Variants in WWTR1 observed in about 807,000 individuals in gnomAD.
WWTR1 encodes WW domain-containing transcription regulator protein 1.
In WWTR1, 13 loss-of-function variants were observed where a neutral mutation model predicts 40.1. The observed-to-expected ratio is 0.32, with a 90% confidence interval of 0.21 to 0.52. The LOEUF (loss-of-function observed/expected upper bound fraction) is 0.52, where lower values mean the gene tolerates loss of function less well. Ranked by LOEUF, WWTR1 falls within the 20% of genes least tolerant of loss-of-function variation. The pLI, the probability that WWTR1 is intolerant of heterozygous loss-of-function variation, is 0.97. For missense variants in WWTR1, 436 were observed against 523.1 expected, an observed-to-expected ratio of 0.83 and a Z score of 1.63; for synonymous variants, 230 against 210.1, an observed-to-expected ratio of 1.09 and a Z score of -0.82.
chr3:149,526,411 TA>T lies in WWTR1; in HGVS notation c.906-287del, dbSNP rs80322377. 5.2e-3 allele frequency among the ~76,000 whole-genome samples: 745 copies of T among 143,142 alleles called. 4 individuals carry two copies. The highest frequency in any genetic ancestry group is 6.3e-3 in the Non-Finnish European group (410 of 65,182). The allele number at this position is 143,142 out of a possible 152,430, so 93.9% of individuals were successfully genotyped here. A position where few individuals can be genotyped will look rare whatever the true frequency, so the allele number is the denominator to read the frequency against. On this transcript the variant is annotated intron_variant, in intron 5 of 6. Transcript: ENST00000360632. The stretch of plus-strand genomic sequence containing the variant: ...GTATGACACCATTTATGTAAAACTT[TA>T]AAAAAAAAAAACAAAAACTATGTTG...
At chr3:149,605,384 T>C (rs780461098) in intron 2 of WWTR1, among the ~76,000 whole-genome samples, 4 of 151,884 alleles carry the variant, frequency 2.6e-5, no homozygotes, top group East Asian at 1.9e-4. Flanking sequence ...CTAGAAAACA[T>C]AGACAAGGGA....
chr3:149,523,849 C>T (rs1444334988), intron 6 of WWTR1, among the ~76,000 whole-genome samples: 1 of 152,178 alleles, frequency 6.6e-6, no homozygotes, highest in African/African-American at 2.4e-5. Context: ...GATGTATGTC[C>T]AGTTCCTACA....
At chr3:149,537,483 G>T (rs917823335) in intron 4 of WWTR1, among the ~76,000 whole-genome samples, 8 of 152,166 alleles carry the variant, frequency 5.3e-5, no homozygotes, top group South Asian at 4.1e-4. Flanking sequence ...TAAGAGTATA[G>T]GTGATTATAA....
chr3:149,679,634 T>C (rs1393221415), intron 1 of WWTR1, among the ~76,000 whole-genome samples: 1 of 144,816 alleles, frequency 6.9e-6, no homozygotes, highest in Non-Finnish European at 1.5e-5. Context: ...AGAGAACAGA[T>C]GGAATGGTGG....
chr3:149,518,115 A>AT lies in WWTR1; in HGVS notation c.*2689dup, dbSNP rs1734874286. The AT allele has an allele frequency of 6.6e-6, 1 of 152,148 alleles. No individual in the cohort carries two copies. Among genetic ancestry groups the AT allele is most frequent in the Non-Finnish European group, 1.5e-5 (1 of 68,010 alleles). 9.4% of individuals were successfully genotyped at this position (152,148 alleles called of 1,614,324 possible). ...TTTAGTGTTCTTTAACAAAGGCCAT[A>AT]TTTTGTGGCCTTAAAAACAAAAAAT... is the stretch of plus-strand genomic sequence containing the variant. On this transcript the variant is annotated 3_prime_UTR_variant, in exon 7 of 7. Coordinates refer to ENST00000360632, the MANE Select transcript of WWTR1 (RefSeq NM_015472.6).
rs11922934 is a variant in WWTR1 at position 149,630,791 on chromosome 3, C to T, written c.431+26085G>A. 5.1e-3 allele frequency among the ~76,000 whole-genome samples: 770 copies of T among 152,238 alleles called. 4 individuals carry two copies. The highest frequency in any genetic ancestry group is 0.018 in the African/African-American group (748 of 41,564). On this transcript the variant is annotated intron_variant, in intron 2 of 6. Transcript: ENST00000360632. ...TGTAGACCAAGAGTACCTGCAGTCACGCCAGGAATGACGTCCATTCTTACC... is the reference window on the plus strand; with the variant it reads ...TGTAGACCAAGAGTACCTGCAGTCATGCCAGGAATGACGTCCATTCTTACC...
chr3:149,695,217 A>G lies in WWTR1; in HGVS notation c.-108+7907T>C, dbSNP rs1714945812. The stretch of plus-strand genomic sequence containing the variant: ...GGTTAATACATACAAAAATATAGGT[A>G]GATAGAAAGAATAAGATCTAGTATT... On this transcript the variant is annotated intron_variant, in intron 1 of 7. Transcript: ENST00000465804. Among the ~76,000 whole-genome samples, 3 of 152,212 alleles carry G rather than the reference A, an allele frequency of 2.0e-5. No individual in the cohort carries two copies. The South Asian group carries it at 6.2e-4, about 32-fold the overall frequency.
At chr3:149,692,853 G>A (rs371841082) in intron 1 of WWTR1, among the ~76,000 whole-genome samples, 4 of 151,846 alleles carry the variant, frequency 2.6e-5, no homozygotes, top group Non-Finnish European at 4.4e-5. Context: ...CAGGCTGGTC[G>A]TGAACTCCTG....
intron 2 of WWTR1, among the ~76,000 whole-genome samples, chr3:149,653,938 C>T (rs1052493594): frequency 2.6e-4 from 40 of 152,052 alleles, no homozygotes; most frequent in Non-Finnish European, 4.0e-4. Context: ...TGATTTCCAA[C>T]TTATAAAGCT....
chr3:149,578,608 A>G (rs968188218), intron 2 of WWTR1, among the ~76,000 whole-genome samples: 3 of 152,350 alleles, frequency 2.0e-5, no homozygotes, highest in South Asian at 4.1e-4. Context: ...TTATCTGTAA[A>G]AATAGAATAA....
intron 4 of WWTR1, among the ~76,000 whole-genome samples, chr3:149,530,364 A>AG: frequency 6.6e-6 from 1 of 151,714 alleles, no homozygotes; most frequent in Admixed American, 6.6e-5. Flanking sequence ...AGAAAAAAAA[A>AG]ATACAAGTTG....
At chr3:149,707,118 C>T (rs1038618908), upstream of WWTR1, among the ~76,000 whole-genome samples, 13 of 152,072 alleles carry the variant, frequency 8.5e-5, no homozygotes, top group African/African-American at 1.7e-4. Flanking sequence ...TTTAAAATTG[C>T]GGGAACTCTG....
At position 149,642,013 on chromosome 3, in the gene WWTR1, A is replaced by T. The variant is rs559317624; in HGVS notation, c.431+14863T>A. Among the ~76,000 whole-genome samples the T allele has an allele frequency of 5.3e-5, 8 of 152,368 alleles. No homozygotes were observed. The East Asian group carries it at 1.2e-3, about 22-fold the overall frequency. The stretch of plus-strand genomic sequence containing the variant: ...AGCCTAGGTAAAAAAGAGATGTTTT[A>T]AACATACCCTTGGCTACAGCTCAAC... On this transcript the variant is annotated intron_variant, in intron 2 of 6. Transcript: ENST00000360632.
At chr3:149,664,166 G>C (rs1417383179) in intron 2 of WWTR1, among the ~76,000 whole-genome samples, 1 of 152,232 alleles carries the variant, frequency 6.6e-6, no homozygotes, top group Non-Finnish European at 1.5e-5. Flanking sequence ...AAGCCCTTGG[G>C]GCAGAACCTG....
intron 2 of WWTR1, among the ~76,000 whole-genome samples, chr3:149,663,218 G>C (rs2108177319): frequency 6.6e-6 from 1 of 151,934 alleles, no homozygotes; most frequent in South Asian, 2.1e-4. Flanking sequence ...TTTTAGTAGA[G>C]ATGGGGTTTC....
chr3:149,523,558 T>G (rs1383422361), intron 6 of WWTR1, among the ~76,000 whole-genome samples: 1 of 152,218 alleles, frequency 6.6e-6, no homozygotes, highest in African/African-American at 2.4e-5. Flanking sequence ...ACAAGGCAAT[T>G]CTTAAAAGGG....
At chr3:149,652,600 G>T (rs1295925752) in intron 2 of WWTR1, among the ~76,000 whole-genome samples, 1 of 99,194 alleles carries the variant, frequency 1.0e-5, no homozygotes, top group Non-Finnish European at 1.9e-5. Context: ...TAGCCTGGGT[G>T]ACAGAGACAG....
intron 5 of WWTR1, among the ~76,000 whole-genome samples, chr3:149,715,120 G>A (rs1382857602): frequency 6.6e-6 from 1 of 152,194 alleles, no homozygotes; most frequent in African/African-American, 2.4e-5. Context: ...ACTTGTCTGT[G>A]TGGAAGAACA....
intron 6 of WWTR1, among the ~76,000 whole-genome samples, chr3:149,522,258 A>G (rs1249107574): frequency 1.3e-5 from 2 of 152,058 alleles, no homozygotes; most frequent in African/African-American, 4.8e-5. Flanking sequence ...TCACTATTTT[A>G]AGCAAAATTG....
Sources: gnomAD v4.1 joint callset for allele counts (sites outside exome capture counted in the v4.1 genomes callset) on GRCh38, gnomAD v4.1.1 for gene constraint, MANE v1.5 for transcripts, NCBI Gene and HGNC (gene_info 2026-07-23, HGNC 2026-07-21) for gene names.